Variants in EFCAB6 observed in about 807,000 individuals in gnomAD.
EFCAB6 encodes EF-hand calcium-binding domain-containing protein 6.
In EFCAB6, 156 loss-of-function variants were observed where a neutral mutation model predicts 169.8. The observed-to-expected ratio is 0.92, with a 90% CI of 0.81 to 1.05. The LOEUF (loss-of-function observed/expected upper bound fraction) is 1.05, where lower values mean the gene tolerates loss of function less well. Ranked by LOEUF, EFCAB6 falls within the 50% of genes least tolerant of loss-of-function variation. EFCAB6 has a pLI of 0.00. For missense variants in EFCAB6, 1,800 were observed against 1,829.1 expected (o/e 0.98, Z 0.29); for synonymous variants, 698 against 676.4 (o/e 1.03, Z -0.50).
chr22:43,712,896 A>G lies in EFCAB6; in HGVS notation c.883-1273T>C, dbSNP rs16990943. On this transcript the variant is annotated intron_variant, in intron 9 of 31. Transcript: ENST00000262726. ...TTGTGACAAATATAACTTTTTAGAA[A>G]TTTTCATTGTTACTGTTTATATAGA... 5.0e-3 allele frequency among the ~76,000 whole-genome samples: 760 copies of G among 152,260 alleles called. 10 individuals carry two copies. The highest frequency in any genetic ancestry group is 0.017 in the African/African-American group (718 of 41,564).
intron 18 of EFCAB6, among the ~76,000 whole-genome samples, chr22:43,633,359 C>T (rs185178172): frequency 6.6e-6 from 1 of 152,192 alleles, no homozygotes; most frequent in Non-Finnish European, 1.5e-5. Flanking sequence ...ACCATCCTGG[C>T]CAACATGGTG....
chr22:43,690,157 T>A (rs137801), intron 10 of EFCAB6, among the ~76,000 whole-genome samples: 16,998 of 152,080 alleles, frequency 0.11, 1,013 homozygotes, highest in Non-Finnish European at 0.13. Flanking sequence ...TACCTACTCT[T>A]GCCTTCCTCC....
chr22:43,669,214 T>C (rs1277624774), intron 15 of EFCAB6, among the ~76,000 whole-genome samples, 169 bp from the exon 16 acceptor site: 2 of 152,172 alleles, frequency 1.3e-5, no homozygotes, highest in Non-Finnish European at 2.9e-5. Context: ...CAAAGAGAAA[T>C]GAAAATGTGT....
intron 2 of EFCAB6, chr22:43,802,708 C>A (rs753509154): frequency 4.5e-5 from 23 of 507,152 alleles, no homozygotes; most frequent in Non-Finnish European, 8.6e-5. Context: ...AGGAGAATAA[C>A]CCTGCACAAC....
intron 17 of EFCAB6, among the ~76,000 whole-genome samples, chr22:43,644,833 T>G (rs2056052729): frequency 6.6e-6 from 1 of 152,200 alleles, no homozygotes; most frequent in African/African-American, 2.4e-5. Context: ...CTTCAAAAAC[T>G]GAGACTGAGT....
rs2060507194 is a variant in EFCAB6, at chr22:43,744,877, T to A, written c.508-8884A>T. Reference sequence around the variant, plus strand: ...CAGCCAGTGAGCAGGCCCTACCCACTCCAGGGCCCTCGGGCTTGGAGGAGC... The same window carrying A: ...CAGCCAGTGAGCAGGCCCTACCCACACCAGGGCCCTCGGGCTTGGAGGAGC... On this transcript the variant is annotated intron_variant, in intron 6 of 31. Transcript: ENST00000262726. This position sits in a 1 kb window ranked among gnomAD's most constrained non-coding sequence, Gnocchi z 4.3. 6.6e-6 allele frequency among the ~76,000 whole-genome samples: 1 copy of A among 152,038 alleles called. No homozygotes were observed. The highest frequency in any genetic ancestry group is 2.4e-5 in the African/African-American group (1 of 41,380).
intron 8 of EFCAB6, among the ~76,000 whole-genome samples, chr22:43,722,578 G>A (rs1603279208): frequency 6.6e-6 from 1 of 151,612 alleles, no homozygotes; most frequent in Non-Finnish European, 1.5e-5. Context: ...AGGCTGCAGA[G>A]AAAAGGGAAC....
chr22:43,661,280 C>T (rs1289055880), intron 17 of EFCAB6, among the ~76,000 whole-genome samples: 1 of 152,032 alleles, frequency 6.6e-6, no homozygotes. Flanking sequence ...TGGGAGGCTG[C>T]AGTGGGAGGA....
At chr22:43,747,882 G>T (rs768306906) in intron 6 of EFCAB6, among the ~76,000 whole-genome samples, 9 of 152,180 alleles carry the variant, frequency 5.9e-5, no homozygotes, top group Non-Finnish European at 1.3e-4. Context: ...CTGTCAGTAT[G>T]AGCAACTTGT....
rs2052381971 is a variant in EFCAB6 at position 43,600,097 on chromosome 22, G to A, written c.2848C>T (p.Gln950Ter). 3.1e-6 allele frequency: 5 copies of A among 1,614,020 alleles called. No homozygotes were observed. Among genetic ancestry groups the A allele is most frequent in the Non-Finnish European group, 4.2e-6 (5 of 1,180,000 alleles). The change falls in exon 23 of 32, where the codon CAG (glutamine) becomes TAG (stop). Residue 950 changes from glutamine to a stop codon, truncating the protein, a stop_gained. Coordinates refer to ENST00000262726, the MANE Select transcript of EFCAB6 (RefSeq NM_022785.4). LOFTEE classifies it high-confidence loss of function. ...QLQEEMKELQ[Q>*]STEKAVAARD... ...GCTGCCACAGCCTTCTCTGTGCTCTGCTGCAGCTCCTTCATCTCTTCCTGT... is the reference window on the plus strand; with the variant it reads ...GCTGCCACAGCCTTCTCTGTGCTCTACTGCAGCTCCTTCATCTCTTCCTGT...
At chr22:43,545,706 C>T (rs1278777224) in intron 27 of EFCAB6, among the ~76,000 whole-genome samples, 3 of 152,152 alleles carry the variant, frequency 2.0e-5, no homozygotes, top group African/African-American at 4.8e-5. Flanking sequence ...CTCTGAGCTC[C>T]GGGCTGGGCA....
intron 10 of EFCAB6, among the ~76,000 whole-genome samples, chr22:43,696,960 A>G (rs1480374746): frequency 3.3e-5 from 5 of 152,236 alleles, no homozygotes; most frequent in South Asian, 2.1e-4. Context: ...GCTAGGACCA[A>G]AATTTTTAGA....
rs147240129 is a variant in EFCAB6, at chr22:43,608,675, A to G, written c.2563-75T>C. 1.6e-4 allele frequency: 224 copies of G among 1,394,332 alleles called. No homozygotes were observed. In the African/African-American group the frequency reaches 2.7e-3, roughly 17 times the overall value. 86.4% of individuals were successfully genotyped at this position (1,394,332 alleles called of 1,614,324 possible). A position where few individuals can be genotyped will look rare whatever the true frequency, so the allele number is the denominator to read the frequency against. ...CAGCAGAAAAGATGTTCAATTAGTC[A>G]ATATGTGGGAAACTCTAAGGCATCT... On this transcript the variant is annotated intron_variant, in intron 21 of 31. Coordinates refer to ENST00000262726, the MANE Select transcript of EFCAB6 (RefSeq NM_022785.4).
At chr22:43,693,833 A>C (rs2147205690) in intron 10 of EFCAB6, among the ~76,000 whole-genome samples, 1 of 152,166 alleles carries the variant, frequency 6.6e-6, no homozygotes, top group Middle Eastern at 3.4e-3. Context: ...AAAATGGATA[A>C]CTCAAATACT....
chr22:43,600,192 G>A lies in EFCAB6; in HGVS notation c.2753C>T (p.Pro918Leu). 1.9e-6 allele frequency: 3 copies of A among 1,614,130 alleles called. No homozygotes were observed. The highest frequency in any genetic ancestry group is 2.5e-6 in the Non-Finnish European group (3 of 1,180,004). ...FLQKLGINYS[P>L]AVHRPCAEDY... ...CTCTGCACAGGGCCGATGGACAGCAGGCGAATAGTTAATACCCAATTTCTG... is the reference window on the plus strand; with the variant it reads ...CTCTGCACAGGGCCGATGGACAGCAAGCGAATAGTTAATACCCAATTTCTG... Residue 918 changes from proline (P) to leucine (L), a missense_variant, in exon 23 of 32, where the codon CCT becomes CTT. Physicochemically the swap from Pro to Leu is moderately conservative, Grantham distance 98. Coordinates refer to ENST00000262726, the MANE Select transcript of EFCAB6 (RefSeq NM_022785.4).
At chr22:43,531,221 C>T (rs1416328402) in intron 30 of EFCAB6, among the ~76,000 whole-genome samples, 1 of 152,108 alleles carries the variant, frequency 6.6e-6, no homozygotes, top group Non-Finnish European at 1.5e-5. Flanking sequence ...ACTGGCAACC[C>T]GGAAAGAAGG....
At chr22:43,740,609 A>T (rs147002164) in intron 6 of EFCAB6, among the ~76,000 whole-genome samples, 41 of 152,262 alleles carry the variant, frequency 2.7e-4, no homozygotes, top group African/African-American at 9.1e-4. Flanking sequence ...TTAACTCCAT[A>T]CCAGCCTCCT....
At chr22:43,784,580 CACATATATATGTAT>C (rs2061971106) in intron 2 of EFCAB6, among the ~76,000 whole-genome samples, 3 of 72,936 alleles carry the variant, frequency 4.1e-5, no homozygotes, top group African/African-American at 1.5e-4. Context: ...TGTACATATA[CACATATATATGTAT>C]ATATACACAT....
intron 5 of EFCAB6, 53 bp downstream of exon 5, chr22:43,765,252 C>T: frequency 7.2e-7 from 1 of 1,394,458 alleles, no homozygotes; most frequent in South Asian, 1.2e-5. Flanking sequence ...CGTCATAGCT[C>T]TTACTCATCA....
Sources: gnomAD v4.1 joint callset for allele counts (sites outside exome capture counted in the v4.1 genomes callset) on GRCh38, gnomAD v4.1.1 for gene constraint, Gnocchi (gnomAD v3.1) non-coding constraint, MANE v1.5 for transcripts, NCBI Gene and HGNC (gene_info 2026-07-23, HGNC 2026-07-21) for gene names.